PRTG: variants seen among roughly 807,000 people sequenced by gnomAD.
The protein encoded by PRTG is immunoglobulin superfamily, DCC subclass, member 5.
A neutral mutation model predicts 122.5 loss-of-function variants in PRTG; 67 were observed. The ratio of observed to expected loss-of-function variants is 0.55; its 90% CI spans 0.45 to 0.67. The LOEUF (loss-of-function observed/expected upper bound fraction) is 0.67, where lower values mean the gene tolerates loss of function less well. PRTG is among the 30% of genes least tolerant of loss of function. The pLI is 0.00. For missense variants in PRTG, 1,435 were observed against 1,415.4 expected (o/e 1.01, Z -0.22); for synonymous variants, 554 against 501.1 (o/e 1.11, Z -1.41).
In PRTG at chr15:55,615,218, T is replaced by G. The variant is rs1160926337; in HGVS notation, c.*4794A>C. 6.6e-6 allele frequency: 1 copy of G among 152,082 alleles called. No homozygotes were observed. The highest frequency in any genetic ancestry group is 2.1e-4 in the South Asian group (1 of 4,834). 9.4% of individuals were successfully genotyped at this position (152,082 alleles called of 1,614,324 possible). On this transcript the variant is annotated 3_prime_UTR_variant, in exon 20 of 20. Coordinates refer to ENST00000389286, the MANE Select transcript of PRTG (RefSeq NM_173814.6). ...CTAAAGCCTCAAAAAGAAACAGCCC[T>G]GCAAGCGCCTTGATTTTGTCCCAGG... is the stretch of plus-strand genomic sequence containing the variant.
In PRTG at chr15:55,740,621, T is replaced by C; in HGVS notation, c.158A>G (p.Lys53Arg). 6.2e-7 allele frequency: 1 copy of C among 1,614,180 alleles called. No individual in the cohort carries two copies. Among genetic ancestry groups the C allele is most frequent in the Non-Finnish European group, 8.5e-7 (1 of 1,180,024 alleles). ...CTGGCAATCTAAAACGACTGGGTCC[T>C]TTCTTGTGACAGTTACATCCTGTGG... Reference protein sequence around the residue: ...KEPQDVTVTRKDPVVLDCQAH... With the variant: ...KEPQDVTVTRRDPVVLDCQAH... The change falls in exon 2 of 20, where the codon AAG becomes AGG. Residue 53 changes from lysine (K) to arginine (R), a missense_variant. Physicochemically the swap from Lys to Arg is conservative, Grantham distance 26 (BLOSUM62 2). Coordinates refer to ENST00000389286, the MANE Select transcript of PRTG (RefSeq NM_173814.6).
intron 2 of PRTG, among the ~76,000 whole-genome samples, chr15:55,709,718 C>T (rs1393290188): frequency 6.6e-6 from 1 of 152,146 alleles, no homozygotes; most frequent in Non-Finnish European, 1.5e-5. Flanking sequence ...AATGAACCAA[C>T]ATGAATGAAT....
At position 55,663,591 on chromosome 15, in the gene PRTG, G is replaced by A. The variant is rs138791066; in HGVS notation, c.2041+8854C>T. ...AGTTTCGCTCTCGTTGCCCTGGCTG[G>A]AGTGCAATGGCGCTATCTCAGCTCA... On this transcript the variant is annotated intron_variant, in intron 11 of 19. Transcript: ENST00000389286. 8.5e-3 allele frequency among the ~76,000 whole-genome samples: 1,290 copies of A among 151,496 alleles called. 12 individuals carry two copies. The highest frequency in any genetic ancestry group is 0.029 in the African/African-American group (1,212 of 41,214).
intron 11 of PRTG, among the ~76,000 whole-genome samples, chr15:55,663,794 G>C (rs866383520): frequency 6.6e-6 from 1 of 151,952 alleles, no homozygotes; most frequent in South Asian, 2.1e-4. Context: ...CACCCGCCTC[G>C]GCCTCCCAAA....
chr15:55,641,230 A>T (rs371754145), intron 11 of PRTG, 22 bp from the exon 12 acceptor site: 173 of 1,546,116 alleles, frequency 1.1e-4, no homozygotes, highest in Non-Finnish European at 1.5e-4. Flanking sequence ...CCAATAGGAA[A>T]TAATTAGGAC....
intron 2 of PRTG, among the ~76,000 whole-genome samples, chr15:55,707,304 A>C (rs1348070462): frequency 2.0e-5 from 3 of 152,228 alleles, no homozygotes; most frequent in Non-Finnish European, 2.9e-5. Flanking sequence ...ATAGGACAAA[A>C]TCATGTCTAA....
chr15:55,682,325 A>G, intron 4 of PRTG, 39 bp downstream of exon 4: 1 of 1,493,168 alleles, frequency 6.7e-7, no homozygotes, highest in Non-Finnish European at 9.0e-7. Flanking sequence ...CTGCGCCAAT[A>G]AAACGTCATA....
chr15:55,682,981 T>C (rs955974929), intron 3 of PRTG, among the ~76,000 whole-genome samples: 6 of 152,198 alleles, frequency 3.9e-5, no homozygotes, highest in African/African-American at 1.4e-4. Flanking sequence ...TTGTTTTCAT[T>C]TGGGTCACTA....
chr15:55,711,731 G>A (rs1276036093), intron 2 of PRTG, among the ~76,000 whole-genome samples: 1 of 152,128 alleles, frequency 6.6e-6, no homozygotes, highest in Admixed American at 6.6e-5. Context: ...GTGCAACTGT[G>A]ATCAGCCAAT....
intron 11 of PRTG, among the ~76,000 whole-genome samples, chr15:55,664,132 G>C (rs1276842129): frequency 2.6e-5 from 4 of 151,880 alleles, no homozygotes; most frequent in South Asian, 2.1e-4. Context: ...GTTTTGGCGG[G>C]GTGGGAGGTG....
At chr15:55,678,196 A>C in intron 7 of PRTG, 152 bp from the exon 8 acceptor site, 1 of 579,584 alleles carries the variant, frequency 1.7e-6, no homozygotes, top group Non-Finnish European at 3.0e-6. Context: ...ACTATGTGGA[A>C]TCCTGAAGAT....
intron 2 of PRTG, among the ~76,000 whole-genome samples, chr15:55,688,115 T>C (rs941113020): frequency 6.6e-6 from 1 of 152,256 alleles, no homozygotes; most frequent in African/African-American, 2.4e-5. Context: ...GTGATCCGTC[T>C]AGCAGCTATC....
chr15:55,692,702 A>G (rs909831978), intron 2 of PRTG, among the ~76,000 whole-genome samples: 9 of 151,804 alleles, frequency 5.9e-5, no homozygotes, highest in Non-Finnish European at 7.4e-5. Context: ...TTCTACAATG[A>G]TAAGTCTTGA....
Position 55,673,368 on chromosome 15 carries a change from C to T in PRTG, c.1852+3G>A, listed in dbSNP as rs750576589. 1.1e-5 allele frequency: 18 copies of T among 1,598,282 alleles called. No individual in the cohort carries two copies. Among genetic ancestry groups the T allele is most frequent in the Non-Finnish European group, 1.4e-5 (16 of 1,167,868 alleles). ...ATTTTCTTAACAGTCTTCAGAAATTCACCTTTCACGCTTGTAGCTTTGGGC... is the reference window on the plus strand; with the variant it reads ...ATTTTCTTAACAGTCTTCAGAAATTTACCTTTCACGCTTGTAGCTTTGGGC... On this transcript the variant is annotated splice_donor_region_variant and intron_variant, in intron 10 of 19. Coordinates refer to ENST00000389286, the MANE Select transcript of PRTG (RefSeq NM_173814.6).
intron 11 of PRTG, among the ~76,000 whole-genome samples, chr15:55,658,140 C>T (rs2059390286): frequency 2.0e-5 from 3 of 152,106 alleles, no homozygotes; most frequent in Admixed American, 2.0e-4. Flanking sequence ...ACATCAGGAG[C>T]ATTCAGGATG....
At position 55,625,264 on chromosome 15, in the gene PRTG, T is replaced by C. The variant is rs901496143; in HGVS notation, c.2928-757A>G. On this transcript the variant is annotated intron_variant, in intron 17 of 19. Coordinates refer to ENST00000389286, the MANE Select transcript of PRTG (RefSeq NM_173814.6). ...AGCCAAAGTCAATCCATAGATGAGA[T>C]TGCATGACAGAGTTTATAGACACTC... 7.2e-5 allele frequency among the ~76,000 whole-genome samples: 11 copies of C among 152,292 alleles called. No individual in the cohort carries two copies. The East Asian group carries it at 9.6e-4, about 13-fold the overall frequency.
Position 55,672,480 on chromosome 15 carries a change from T to C in PRTG, c.2006A>G (p.Asp669Gly), listed in dbSNP as rs761188309. 15 of 1,613,966 alleles carry C rather than the reference T, an allele frequency of 9.3e-6. No individual in the cohort carries two copies. The South Asian group carries it at 1.4e-4, about 15-fold the overall frequency. The part of the protein sequence containing the change: ...GQQENGPIFL[D>G]TKDLLYTLSG... ...GAGAGTATAGAGTAGGTCCTTGGTATCCAAGAAAATGGGCCCATTCTCCTG... is the reference window on the plus strand; with the variant it reads ...GAGAGTATAGAGTAGGTCCTTGGTACCCAAGAAAATGGGCCCATTCTCCTG... The change falls in exon 11 of 20, where the codon GAT becomes GGT. Residue 669 changes from aspartate to glycine, a missense_variant. By Grantham distance (94) the Asp-to-Gly change is moderately conservative. Coordinates refer to ENST00000389286, the MANE Select transcript of PRTG (RefSeq NM_173814.6).
intron 11 of PRTG, among the ~76,000 whole-genome samples, chr15:55,643,155 T>C (rs900122027): frequency 1.3e-5 from 2 of 152,160 alleles, no homozygotes; most frequent in Non-Finnish European, 2.9e-5. Flanking sequence ...GTATAAATAT[T>C]TTAGAAACTG....
In PRTG at chr15:55,628,931, A is replaced by C. The variant is rs1232406470; in HGVS notation, c.2697T>G (p.Asn899Lys). 6.2e-7 allele frequency: 1 copy of C among 1,613,994 alleles called. No individual in the cohort carries two copies. The change falls in exon 16 of 20, where the codon AAT becomes AAG. Residue 899 changes from asparagine (N) to lysine (K), a missense_variant. Physicochemically the swap from Asn to Lys is moderately conservative, Grantham distance 94. Transcript: ENST00000389286. The part of the protein sequence containing the change: ...NVYIVKISAS[N>K]EVGEGPFSNS... Reference sequence around the variant, plus strand: ...TTGAAAAGGGTCCTTCTCCCACCTCATTGGATGCAGATATCTTGACAATGT... The same window carrying C: ...TTGAAAAGGGTCCTTCTCCCACCTCCTTGGATGCAGATATCTTGACAATGT...
Sources: allele counts gnomAD v4.1 joint callset (sites outside exome capture counted in the v4.1 genomes callset), GRCh38; gene constraint gnomAD v4.1.1; transcripts MANE v1.5; gene names NCBI Gene and HGNC (gene_info 2026-07-23, HGNC 2026-07-21).